The following CD70 variants were observed in gnomAD, a reference collection of about 807,000 sequenced individuals.
The protein encoded by CD70 is CD70 molecule.
In CD70, 6 loss-of-function variants were observed where a neutral mutation model predicts 9.0. The ratio of observed to expected loss-of-function variants is 0.67; its 90% CI spans 0.37 to 1.32. The LOEUF (loss-of-function observed/expected upper bound fraction) is 1.32, where lower values mean the gene tolerates loss of function less well. Among genes scored for constraint, CD70 ranks in the 40% most tolerant of loss-of-function variants. The probability of loss-of-function intolerance (pLI) is 0.02; values close to 1 mark genes in which losing one functional copy is unlikely to be tolerated. For synonymous variants in CD70, 108 were observed against 112.3 expected (o/e 0.96, Z 0.24); for missense variants, 235 against 258.7 (o/e 0.91, Z 0.63).
downstream of CD70, among the ~76,000 whole-genome samples, chr19:6,584,143 G>GT (rs1555765595): frequency 1.4e-5 from 1 of 69,892 alleles, no homozygotes; most frequent in Non-Finnish European, 3.6e-5. Context: ...ACTTCTCATT[G>GT]TAAAAAAAAA....
intron 2 of CD70, among the ~76,000 whole-genome samples, chr19:6,588,370 A>G (rs898117610): frequency 2.0e-5 from 3 of 152,102 alleles, no homozygotes; most frequent in Non-Finnish European, 4.4e-5. Context: ...TTACAGGAAA[A>G]ATATGGCAAA....
chr19:6,586,846 G>A (rs1205207690), intron 2 of CD70, among the ~76,000 whole-genome samples: 2 of 148,438 alleles, frequency 1.3e-5, no homozygotes, highest in South Asian at 2.2e-4. Context: ...GAAGGAGAGA[G>A]GGGTAAGGGG....
intron 2 of CD70, among the ~76,000 whole-genome samples, chr19:6,587,029 C>T (rs1198139477): frequency 6.7e-6 from 1 of 149,384 alleles, no homozygotes; most frequent in Non-Finnish European, 1.5e-5. Context: ...GACGAGAGTG[C>T]ACGAGAGAGT....
At chr19:6,583,284 A>G (rs746828996), downstream of CD70, 18 of 681,062 alleles carry the variant, frequency 2.6e-5, no homozygotes, top group South Asian at 2.8e-4. Context: ...AAAACCAGTA[A>G]CTTTGGACAG....
rs1916138462 is a variant in CD70 at position 6,590,735 on chromosome 19, T to C, written c.162+106A>G. 9.4e-7 allele frequency: 1 copy of C among 1,065,684 alleles called. No individual in the cohort carries two copies. The highest frequency in any genetic ancestry group is 1.4e-6 in the Non-Finnish European group (1 of 714,012). 66.0% of individuals were successfully genotyped at this position (1,065,684 alleles called of 1,614,324 possible). A position where few individuals can be genotyped will look rare whatever the true frequency, so the allele number is the denominator to read the frequency against. On this transcript the variant is annotated intron_variant, in intron 1 of 2. Transcript: ENST00000245903. This position sits in a 1 kb window ranked among gnomAD's most constrained non-coding sequence, Gnocchi z 5.3. Reference sequence around the variant, plus strand: ...GCCTCCCTGTTCTGGTCTCTGTCTCTGCCCTACCAGATCTTCCTCTCTGGC... The same window carrying C: ...GCCTCCCTGTTCTGGTCTCTGTCTCCGCCCTACCAGATCTTCCTCTCTGGC...
chr19:6,583,304 C>T (rs529530958), downstream of CD70: 144 of 689,796 alleles, frequency 2.1e-4, no homozygotes, highest in East Asian at 3.4e-3. Flanking sequence ...GATGACTCAA[C>T]GGTTTACGCC....
intron 2 of CD70, among the ~76,000 whole-genome samples, chr19:6,588,988 A>G (rs909467513): frequency 3.3e-5 from 5 of 152,170 alleles, no homozygotes; most frequent in African/African-American, 1.2e-4. Context: ...GTTTTCGTTT[A>G]CTAACAAAAC....
Position 6,591,113 on chromosome 19 carries a change from T to C in CD70, c.-111A>G. ...CCTCCCGGGGCTCCTGGGCGTCTAC[T>C]TGCTTCAACCTGTCAGGGGACCAGC... On this transcript the variant is annotated 5_prime_UTR_variant, in exon 1 of 3. Transcript: ENST00000245903. The C allele has an allele frequency of 8.2e-7, 1 of 1,217,558 alleles. No homozygotes were observed. Among genetic ancestry groups the C allele is most frequent in the Non-Finnish European group, 1.1e-6 (1 of 902,876 alleles). The allele number at this position is 1,217,558 out of a possible 1,614,324, so 75.4% of individuals were successfully genotyped here. A position where few individuals can be genotyped will look rare whatever the true frequency, so the allele number is the denominator to read the frequency against.
chr19:6,582,348 CTTT>C (rs59168141), downstream of CD70, among the ~76,000 whole-genome samples: 39,747 of 135,066 alleles, frequency 0.29, 5,951 homozygotes, highest in East Asian at 0.66. Context: ...GCAGTCAAAT[CTTT>C]TTTTTTTTTT....
downstream of CD70, among the ~76,000 whole-genome samples, chr19:6,584,640 G>A (rs62123188): frequency 0.088 from 13,084 of 148,942 alleles, 633 homozygotes; most frequent in Middle Eastern, 0.11. Context: ...CGGGAAGATC[G>A]GCATTTCGGG....
intron 2 of CD70, among the ~76,000 whole-genome samples, chr19:6,586,690 C>A (rs2145320312): frequency 6.6e-6 from 1 of 152,010 alleles, no homozygotes; most frequent in South Asian, 2.1e-4. Context: ...CCTGGCTACT[C>A]TTGGGAGGCT....
Position 6,586,168 on chromosome 19 carries a change from A to G in CD70, c.434T>C (p.Leu145Pro), listed in dbSNP as rs1820299684. ...AATGGTACAACCTTGGTGGAAGCTGAGACGCAGCAGGCTGATGCTACGGGA... is the reference window on the plus strand; with the variant it reads ...AATGGTACAACCTTGGTGGAAGCTGGGACGCAGCAGGCTGATGCTACGGGA... ...PASRSISLLR[L>P]SFHQGCTIAS... is the part of the protein sequence containing the mutation. The change falls in exon 3 of 3, where the codon CTC becomes CCC. Residue 145 changes from leucine (L) to proline (P), a missense_variant. By Grantham distance (98) the Leu-to-Pro change is moderately conservative. Coordinates refer to ENST00000245903, the MANE Select transcript of CD70 (RefSeq NM_001252.5). The G allele has an allele frequency of 1.2e-6, 2 of 1,614,036 alleles. No individual in the cohort carries two copies. The highest frequency in any genetic ancestry group is 1.7e-6 in the Non-Finnish European group (2 of 1,180,052).
At chr19:6,589,955 G>T (rs530736079) in intron 2 of CD70, 148 bp downstream of exon 2, 12 of 496,316 alleles carry the variant, frequency 2.4e-5, no homozygotes, top group South Asian at 4.4e-5. Context: ...CCCCCTCTCC[G>T]TTTCCCTCCC....
chr19:6,585,347 C>CTT (rs3055533), downstream of CD70, among the ~76,000 whole-genome samples: 3 of 134,012 alleles, frequency 2.2e-5, no homozygotes, highest in African/African-American at 8.1e-5. Flanking sequence ...GAAAACAGAA[C>CTT]TTTTTTTTTT....
In CD70 at chr19:6,591,085, C is replaced by T; in HGVS notation, c.-83G>A. 1 of 1,431,504 alleles carries T rather than the reference C, an allele frequency of 7.0e-7. No homozygotes were observed. The highest frequency in any genetic ancestry group is 9.3e-7 in the Non-Finnish European group (1 of 1,079,078). 88.7% of individuals were successfully genotyped at this position (1,431,504 alleles called of 1,614,324 possible). A position where few individuals can be genotyped will look rare whatever the true frequency, so the allele number is the denominator to read the frequency against. ...CGAGAAGGAAGGAAGGAAACTGCAG[C>T]CCCCTCCCGGGGCTCCTGGGCGTCT... On this transcript the variant is annotated 5_prime_UTR_variant, in exon 1 of 3. Coordinates refer to ENST00000245903, the MANE Select transcript of CD70 (RefSeq NM_001252.5).
chr19:6,583,574 T>G, downstream of CD70: 1 of 496,928 alleles, frequency 2.0e-6, no homozygotes, highest in Middle Eastern at 4.7e-4. Context: ...TTTTTTTTTT[T>G]TTTAAAGACA....
chr19:6,588,010 G>A (rs753801620), intron 2 of CD70, among the ~76,000 whole-genome samples: 2 of 152,094 alleles, frequency 1.3e-5, no homozygotes, highest in Admixed American at 1.3e-4. Flanking sequence ...CAAGGTCCTC[G>A]GCTATATTTC....
At chr19:6,587,937 C>G (rs79841990) in intron 2 of CD70, among the ~76,000 whole-genome samples, 2,080 of 152,242 alleles carry the variant, frequency 0.014, 52 homozygotes, top group African/African-American at 0.048. Flanking sequence ...TAGTCTAGAA[C>G]TCCTGGGCTC....
rs200049092 is a variant in CD70 at position 6,590,807 on chromosome 19, A to C, written c.162+34T>G. 29 of 1,579,628 alleles carry C rather than the reference A, an allele frequency of 1.8e-5. No homozygotes were observed. Among genetic ancestry groups the C allele is most frequent in the East Asian group, 4.5e-5 (2 of 44,578 alleles). On this transcript the variant is annotated intron_variant, in intron 1 of 2. Transcript: ENST00000245903. This position sits in a 1 kb window ranked among gnomAD's most constrained non-coding sequence, Gnocchi z 5.3. Reference sequence around the variant, plus strand: ...TGTCTTTTCGGTCACGCGCCTCTCTATGTTTTCTTCCCAACTTTTCCATCT... The same window carrying C: ...TGTCTTTTCGGTCACGCGCCTCTCTCTGTTTTCTTCCCAACTTTTCCATCT...
Sources: allele counts gnomAD v4.1 joint callset (sites outside exome capture counted in the v4.1 genomes callset), GRCh38; gene constraint gnomAD v4.1.1; non-coding constraint Gnocchi (gnomAD v3.1); transcripts MANE v1.5; gene names NCBI Gene and HGNC (gene_info 2026-07-23, HGNC 2026-07-21).